Variants in EFCAB8 observed in about 807,000 individuals in gnomAD.
EFCAB8 encodes EF-hand calcium-binding domain-containing protein 8.
EFCAB8 carries 100 observed loss-of-function variants against 116.3 expected under a neutral mutation model. The ratio of observed to expected loss-of-function variants is 0.86; its 90% CI spans 0.73 to 1.02. The LOEUF (loss-of-function observed/expected upper bound fraction) is 1.02, where lower values mean the gene tolerates loss of function less well. Ranked by LOEUF, EFCAB8 falls within the 50% of genes least tolerant of loss-of-function variation. The pLI is 0.00. For synonymous variants in EFCAB8, 558 were observed against 567.9 expected (o/e 0.98, Z 0.25); for missense variants, 1,320 against 1,416.9 (o/e 0.93, Z 1.10).
At chr20:32,938,023 T>A (rs1289838029) in intron 22 of EFCAB8, among the ~76,000 whole-genome samples, 2 of 149,974 alleles carry the variant, frequency 1.3e-5, no homozygotes, top group Non-Finnish European at 1.5e-5. Context: ...AAAATAAAAC[T>A]GTAGACCAAA....
Position 32,915,077 on chromosome 20 carries a change from T to A in EFCAB8, c.1856+2213T>A, listed in dbSNP as rs180787035. On this transcript the variant is annotated intron_variant, in intron 17 of 26. Transcript: ENST00000400522. ...CATGCCTTGCTAATTAAAAAAAAAA[T>A]TTTTTTATAGAGATGGGGTCTTGCT... Among the ~76,000 whole-genome samples the A allele has an allele frequency of 3.9e-3, 597 of 151,940 alleles. 21 individuals carry two copies. Among genetic ancestry groups the A allele is most frequent in the Admixed American group, 0.029 (435 of 15,234 alleles).
chr20:32,941,226 T>C (rs1988399622), intron 22 of EFCAB8, among the ~76,000 whole-genome samples: 1 of 146,424 alleles, frequency 6.8e-6, no homozygotes, highest in Admixed American at 6.8e-5. Context: ...CGTTCCAGTC[T>C]GGGCAACAAG....
Position 32,885,629 on chromosome 20 carries a change from A to G in EFCAB8, c.556A>G (p.Ser186Gly), listed in dbSNP as rs1444221793. 1.9e-6 allele frequency: 3 copies of G among 1,551,600 alleles called. No homozygotes were observed. In the Admixed American group the frequency reaches 5.9e-5, roughly 30 times the overall value. Residue 186 changes from serine to glycine, a missense_variant, in exon 6 of 27, where the codon AGC (serine) becomes GGC (glycine). Physicochemically the swap from Ser to Gly is moderately conservative, Grantham distance 56 (BLOSUM62 0). Coordinates refer to ENST00000400522, the MANE Select transcript of EFCAB8 (RefSeq NM_001143967.2). ...QFWSESFSLM[S>G]SFRLNQTQQL... ...CTGGTCTGAGTCCTTCTCGCTGATG[A>G]GCTCCTTTAGGGTGAGTGGGGCCCC... is the stretch of plus-strand genomic sequence containing the variant.
chr20:32,939,136 T>TTTCC (rs1988263457), intron 22 of EFCAB8, among the ~76,000 whole-genome samples: 6 of 27,312 alleles, frequency 2.2e-4, no homozygotes, highest in Non-Finnish European at 4.2e-4. Context: ...TCTTTCTTTC[T>TTTCC]TTCTTTCTTT....
chr20:32,929,242 A>G (rs1353214338), intron 20 of EFCAB8, among the ~76,000 whole-genome samples: 3 of 151,870 alleles, frequency 2.0e-5, no homozygotes, highest in Non-Finnish European at 2.9e-5. Context: ...TATTCTGGAA[A>G]AGTTTGGGAA....
chr20:32,919,438 ACT>A (rs1987347966), intron 19 of EFCAB8, among the ~76,000 whole-genome samples: 1 of 152,184 alleles, frequency 6.6e-6, no homozygotes, highest in African/African-American at 2.4e-5. Flanking sequence ...AGGTTACACC[ACT>A]GTTTTCAAAT....
intron 8 of EFCAB8, 135 bp from the exon 9 acceptor site, chr20:32,893,039 C>G: frequency 2.9e-6 from 3 of 1,031,162 alleles, no homozygotes; most frequent in Non-Finnish European, 4.2e-6. Context: ...TGAGGTTTCA[C>G]CACGTTGGCC....
chr20:32,879,180 A>G (rs906015171), intron 5 of EFCAB8, among the ~76,000 whole-genome samples: 4 of 152,150 alleles, frequency 2.6e-5, no homozygotes, highest in African/African-American at 9.7e-5. Context: ...TGGCAGTTTC[A>G]TCATAGGGGC....
chr20:32,884,368 G>T (rs139145935), intron 5 of EFCAB8, among the ~76,000 whole-genome samples: 1 of 152,284 alleles, frequency 6.6e-6, no homozygotes, highest in Admixed American at 6.5e-5. Flanking sequence ...TGTCCTTAGG[G>T]CTGTCTTCCC....
chr20:32,893,374 C>T (rs755518062), intron 9 of EFCAB8, 76 bp downstream of exon 9: 45 of 1,527,184 alleles, frequency 2.9e-5, no homozygotes, highest in South Asian at 1.2e-4. Context: ...TCCTGGTCCC[C>T]GAGCCCCCCA....
intron 11 of EFCAB8, among the ~76,000 whole-genome samples, chr20:32,902,938 G>T (rs1354248527): frequency 6.6e-6 from 1 of 152,198 alleles, no homozygotes; most frequent in Non-Finnish European, 1.5e-5. Context: ...CTCCCCGACT[G>T]TCCCCTCTTC....
chr20:32,876,502 T>G (rs112564207), intron 4 of EFCAB8, among the ~76,000 whole-genome samples: 1 of 152,108 alleles, frequency 6.6e-6, no homozygotes, highest in Non-Finnish European at 1.5e-5. Context: ...CGTTCGACAA[T>G]GGGAATATAC....
At chr20:32,878,863 C>T (rs1369298844) in intron 5 of EFCAB8, 56 bp downstream of exon 5, 1 of 1,456,484 alleles carries the variant, frequency 6.9e-7, no homozygotes, top group Non-Finnish European at 9.4e-7. Flanking sequence ...AGTGCTGGTG[C>T]CAGCCTGCAG....
At chr20:32,860,173 T>C (rs759098282) in intron 1 of EFCAB8, among the ~76,000 whole-genome samples, 2 of 152,160 alleles carry the variant, frequency 1.3e-5, no homozygotes, top group Non-Finnish European at 2.9e-5. Flanking sequence ...CTGGGCATGG[T>C]GGCGTGCACC....
intron 5 of EFCAB8, 36 bp downstream of exon 5, chr20:32,878,843 T>A: frequency 6.5e-7 from 1 of 1,530,242 alleles, no homozygotes; most frequent in Non-Finnish European, 8.9e-7. Flanking sequence ...GTGGGTGGGG[T>A]GACTGGACAA....
intron 23 of EFCAB8, among the ~76,000 whole-genome samples, chr20:32,948,956 C>T (rs778778550): frequency 4.0e-5 from 6 of 151,358 alleles, no homozygotes; most frequent in Admixed American, 2.6e-4. Context: ...CATGTCACTT[C>T]GATTCAAAAT....
At chr20:32,908,226 A>G (rs749970321) in intron 13 of EFCAB8, 49 bp from the exon 14 acceptor site, 35 of 1,247,902 alleles carry the variant, frequency 2.8e-5, no homozygotes, top group Non-Finnish European at 3.3e-5. Context: ...GGAGCCGGCT[A>G]CATCCCCGAG....
At chr20:32,910,019 T>C (rs1986847212) in intron 15 of EFCAB8, 88 bp downstream of exon 15, 2 of 597,640 alleles carry the variant, frequency 3.3e-6, no homozygotes, top group Non-Finnish European at 5.0e-6. Flanking sequence ...CCTGGGTCTG[T>C]AGTCAGCTCC....
rs573051442 is a variant in EFCAB8, at chr20:32,876,418, G to A, written c.327+374G>A. Among the ~76,000 whole-genome samples, 18 of 152,262 alleles carry A rather than the reference G, an allele frequency of 1.2e-4. No individual in the cohort carries two copies. In the South Asian group the frequency reaches 3.7e-3, roughly 32 times the overall value. Reference sequence around the variant, plus strand: ...GTCACTCAGGAATAGGCCAGCCTGTGGCTGTTACATCTAAAAGTGTCAGGC... The same window carrying A: ...GTCACTCAGGAATAGGCCAGCCTGTAGCTGTTACATCTAAAAGTGTCAGGC... On this transcript the variant is annotated intron_variant, in intron 4 of 26. Coordinates refer to ENST00000400522, the MANE Select transcript of EFCAB8 (RefSeq NM_001143967.2).
Sources: allele counts gnomAD v4.1 joint callset (sites outside exome capture counted in the v4.1 genomes callset), GRCh38; gene constraint gnomAD v4.1.1; transcripts MANE v1.5; gene names NCBI Gene and HGNC (gene_info 2026-07-23, HGNC 2026-07-21).